Variants in CLMP observed in about 807,000 individuals in gnomAD.
The protein encoded by CLMP is CXADR like cell adhesion molecule, also known as CXADR-like membrane protein.
CLMP carries 27 observed loss-of-function variants against 45.2 expected under a neutral mutation model. That is an observed-to-expected ratio of 0.60 (90% CI 0.44 to 0.82). The LOEUF is 0.82. Among genes scored for constraint, CLMP ranks in the 40% least tolerant of loss-of-function variants. The pLI, the probability that CLMP is intolerant of heterozygous loss-of-function variation, is 0.00. For synonymous variants in CLMP, 167 were observed against 171.4 expected, an observed-to-expected ratio of 0.97 and a Z score of 0.20; for missense variants, 403 against 448.4, an observed-to-expected ratio of 0.90 and a Z score of 0.91.
intron 1 of CLMP, among the ~76,000 whole-genome samples, chr11:123,144,704 A>G (rs1463908797): frequency 3.3e-5 from 5 of 152,230 alleles, no homozygotes; most frequent in African/African-American, 9.6e-5. Flanking sequence ...CTGAGGCTAA[A>G]TGGACATGAA....
chr11:123,083,738 C>T lies in CLMP; in HGVS notation c.498G>A (p.Trp166Ter). The T allele has an allele frequency of 1.9e-6, 3 of 1,614,058 alleles. No individual in the cohort carries two copies. The highest frequency in any genetic ancestry group is 2.5e-6 in the Non-Finnish European group (3 of 1,180,020). The change falls in exon 4 of 7, where the codon TGG (tryptophan) becomes TGA (stop). Residue 166 changes from tryptophan to a stop codon, truncating the protein, a stop_gained. Coordinates refer to ENST00000448775, the MANE Select transcript of CLMP (RefSeq NM_024769.5). LOFTEE classifies it high-confidence loss of function. ...SSGTEPIVYY[W>*]QRIREKEGED... is the part of the protein sequence containing the mutation. ...CTCCCTCTTTCTCTCGGATTCGCTG[C>T]CAGTAATACACAATGGGCTCTGTGC...
At chr11:123,139,226 T>C (rs917113392) in intron 1 of CLMP, among the ~76,000 whole-genome samples, 5 of 151,866 alleles carry the variant, frequency 3.3e-5, no homozygotes, top group African/African-American at 9.7e-5. Context: ...AACTACAGAA[T>C]AGTTTTCAAC....
At chr11:123,140,310 T>C (rs1861136239) in intron 1 of CLMP, among the ~76,000 whole-genome samples, 1 of 152,004 alleles carries the variant, frequency 6.6e-6, no homozygotes. Context: ...ATAGTAGGGG[T>C]GAAAGGTAAT....
intron 1 of CLMP, among the ~76,000 whole-genome samples, chr11:123,149,650 T>C (rs11219024): frequency 0.15 from 22,601 of 152,132 alleles, 1,932 homozygotes; most frequent in South Asian, 0.25. Context: ...CCTGCCACCA[T>C]AGGGATGGAG....
chr11:123,108,378 C>T (rs1223423476), intron 1 of CLMP, among the ~76,000 whole-genome samples: 1 of 152,208 alleles, frequency 6.6e-6, no homozygotes, highest in African/African-American at 2.4e-5. Flanking sequence ...GAATTTCAGA[C>T]ATCTGGGAGT....
At chr11:123,141,394 A>C (rs1429477253) in intron 1 of CLMP, among the ~76,000 whole-genome samples, 1 of 151,794 alleles carries the variant, frequency 6.6e-6, no homozygotes, top group Non-Finnish European at 1.5e-5. Context: ...CCGTGTTACC[A>C]AGGATGGTCT....
At chr11:123,097,659 A>G (rs1056132977) in intron 2 of CLMP, 136 bp downstream of exon 2, 5 of 655,258 alleles carry the variant, frequency 7.6e-6, no homozygotes, top group Non-Finnish European at 1.3e-5. Flanking sequence ...TTTTGTATCT[A>G]AAGTCTTTCA....
At chr11:123,190,897 G>A (rs10790561) in intron 1 of CLMP, among the ~76,000 whole-genome samples, 15,457 of 152,178 alleles carry the variant, frequency 0.1, 2,542 homozygotes, top group African/African-American at 0.35. Flanking sequence ...TGGAATTCGG[G>A]TTCCAGTCTT....
rs1860475373 is a variant in CLMP, at chr11:123,102,953, A to AT, written c.29-5002dup. On this transcript the variant is annotated intron_variant, in intron 1 of 6. Coordinates refer to ENST00000448775, the MANE Select transcript of CLMP (RefSeq NM_024769.5). ...AAGTACCATTCATTGCTGCCTTCTC[A>AT]TAGTACTCAGCCCAGGGTCTCACAC... 2.6e-5 allele frequency among the ~76,000 whole-genome samples: 4 copies of AT among 152,112 alleles called. No homozygotes were observed. In the South Asian group the frequency reaches 6.2e-4, roughly 24 times the overall value.
chr11:123,098,621 G>A (rs968737770), intron 1 of CLMP, among the ~76,000 whole-genome samples: 3 of 150,684 alleles, frequency 2.0e-5, no homozygotes, highest in Non-Finnish European at 4.4e-5. Flanking sequence ...TTGCACCCTC[G>A]ACCTCACCAA....
At chr11:123,152,942 G>C (rs1421722088) in intron 1 of CLMP, among the ~76,000 whole-genome samples, 1 of 152,136 alleles carries the variant, frequency 6.6e-6, no homozygotes, top group Non-Finnish European at 1.5e-5. Flanking sequence ...TGGAGGGAGA[G>C]AAGGATGTTG....
At chr11:123,112,933 CCTG>C (rs369012009) in intron 1 of CLMP, among the ~76,000 whole-genome samples, 2,593 of 152,142 alleles carry the variant, frequency 0.017, 26 homozygotes, top group South Asian at 0.028. Context: ...GCCACCACGC[CCTG>C]CTAATTTTTT....
At chr11:123,184,163 C>T (rs1045919419) in intron 1 of CLMP, among the ~76,000 whole-genome samples, 20 of 152,068 alleles carry the variant, frequency 1.3e-4, no homozygotes, top group African/African-American at 4.8e-4. Context: ...GGTGTGATCT[C>T]AGCTCACTGC....
intron 5 of CLMP, among the ~76,000 whole-genome samples, chr11:123,078,989 G>C (rs1291380845): frequency 6.6e-6 from 1 of 151,830 alleles, no homozygotes; most frequent in Non-Finnish European, 1.5e-5. Context: ...TGTTGGTCAG[G>C]CTGGTCTCAA....
chr11:123,136,391 C>T, intron 1 of CLMP: 4 of 517,356 alleles, frequency 7.7e-6, no homozygotes, highest in Non-Finnish European at 1.5e-5. Context: ...GCCATGATAC[C>T]GCCGGTGGCC....
intron 1 of CLMP, among the ~76,000 whole-genome samples, chr11:123,172,023 T>C (rs1477283662): frequency 6.6e-6 from 1 of 152,160 alleles, no homozygotes; most frequent in African/African-American, 2.4e-5. Context: ...ATTCTGTATT[T>C]TTTTTTTACT....
chr11:123,146,981 T>C (rs1216641737), intron 1 of CLMP, among the ~76,000 whole-genome samples: 4 of 152,208 alleles, frequency 2.6e-5, no homozygotes, highest in Non-Finnish European at 5.9e-5. Context: ...CAGCCCTGGT[T>C]CTATATATTC....
chr11:123,094,395 C>T (rs757075363), intron 2 of CLMP, among the ~76,000 whole-genome samples: 1 of 152,042 alleles, frequency 6.6e-6, no homozygotes, highest in Non-Finnish European at 1.5e-5. Flanking sequence ...GCATGAGCCA[C>T]TGTGCCCGCC....
chr11:123,084,738 C>A lies in CLMP; in HGVS notation c.187-25G>T. On this transcript the variant is annotated intron_variant, in intron 2 of 6. Coordinates refer to ENST00000448775, the MANE Select transcript of CLMP (RefSeq NM_024769.5). ...CCTGTGGGATAGACCGAGGCAGAGT[C>A]AAGCAGCGTAACTCTCAGCCTGCCT... The A allele has an allele frequency of 1.9e-6, 3 of 1,602,566 alleles. No homozygotes were observed. The South Asian group carries it at 3.3e-5, about 18-fold the overall frequency.
Sources: allele counts gnomAD v4.1 joint callset (sites outside exome capture counted in the v4.1 genomes callset), GRCh38; gene constraint gnomAD v4.1.1; transcripts MANE v1.5; gene names NCBI Gene and HGNC (gene_info 2026-07-23, HGNC 2026-07-21).